The following TAFA2 variants were observed in gnomAD, a reference collection of about 807,000 sequenced individuals.
TAFA2 encodes the protein TAFA chemokine like family member 2.
In TAFA2, 7 loss-of-function variants were observed where a neutral mutation model predicts 18.8. The observed-to-expected ratio is 0.37, with a 90% CI of 0.21 to 0.70. TAFA2 has a LOEUF of 0.70. Among genes scored for constraint, TAFA2 ranks in the 30% least tolerant of loss-of-function variants. TAFA2 has a pLI of 0.53. For synonymous variants in TAFA2, 60 were observed against 54.2 expected (o/e 1.11, Z -0.47); for missense variants, 122 against 158.1 (o/e 0.77, Z 1.23).
intron 2 of TAFA2, among the ~76,000 whole-genome samples, chr12:61,807,100 G>A (rs565963320): frequency 2.7e-5 from 4 of 147,666 alleles, no homozygotes; most frequent in Non-Finnish European, 4.4e-5. Flanking sequence ...TCCAGGGCAT[G>A]TCAGACGTCT....
At chr12:61,984,567 C>A (rs1879752058) in intron 1 of TAFA2, among the ~76,000 whole-genome samples, 1 of 152,108 alleles carries the variant, frequency 6.6e-6, no homozygotes, top group Admixed American at 6.6e-5. Context: ...TTAGAAGCTG[C>A]AAAAGAGGAG....
chr12:61,911,443 C>A (rs1386073707), intron 1 of TAFA2, among the ~76,000 whole-genome samples: 3 of 152,178 alleles, frequency 2.0e-5, no homozygotes, highest in African/African-American at 7.2e-5. Flanking sequence ...GTGTTTAATT[C>A]TTTCCATGTA....
intron 1 of TAFA2, among the ~76,000 whole-genome samples, chr12:62,078,265 T>C (rs1444464633): frequency 6.6e-6 from 1 of 152,192 alleles, no homozygotes; most frequent in East Asian, 1.9e-4. Context: ...GCCTAACGTT[T>C]ACCTCCTTGA....
At chr12:61,947,584 C>T (rs1389889505) in intron 1 of TAFA2, among the ~76,000 whole-genome samples, 6 of 151,802 alleles carry the variant, frequency 4.0e-5, no homozygotes, top group African/African-American at 1.5e-4. Context: ...TTAGCATATA[C>T]ACTCTTCATT....
chr12:61,734,717 A>C (rs1338508144), intron 4 of TAFA2, among the ~76,000 whole-genome samples: 1 of 151,906 alleles, frequency 6.6e-6, no homozygotes, highest in Non-Finnish European at 1.5e-5. Flanking sequence ...TCCCAGTTCC[A>C]CTGCTTACTC....
chr12:62,154,985 G>C (rs189370657), intron 1 of TAFA2, among the ~76,000 whole-genome samples: 21 of 152,194 alleles, frequency 1.4e-4, no homozygotes, highest in Admixed American at 1.4e-3. Context: ...GCATCCAATC[G>C]GTAAAGAGGA....
upstream of TAFA2, among the ~76,000 whole-genome samples, chr12:62,196,306 T>A (rs184891969): frequency 6.6e-6 from 1 of 152,368 alleles, no homozygotes; most frequent in African/African-American, 2.4e-5. Flanking sequence ...TTTGCTTCCT[T>A]ATCATTGTGT....
intron 2 of TAFA2, among the ~76,000 whole-genome samples, chr12:61,835,414 T>C (rs967397704): frequency 6.6e-6 from 1 of 151,994 alleles, no homozygotes; most frequent in Non-Finnish European, 1.5e-5. Context: ...CATTTGCAGG[T>C]TTGCTACATG....
intron 1 of TAFA2, among the ~76,000 whole-genome samples, chr12:61,972,595 G>A (rs1450728755): frequency 1.3e-5 from 2 of 151,638 alleles, no homozygotes; most frequent in East Asian, 3.9e-4. Context: ...GCTAGAAATG[G>A]GGAAAGGACT....
chr12:62,032,436 A>G (rs1881483606), intron 1 of TAFA2, among the ~76,000 whole-genome samples: 1 of 152,202 alleles, frequency 6.6e-6, no homozygotes, highest in African/African-American at 2.4e-5. Context: ...CAAATCAAAT[A>G]TATGTGAAAT....
intron 1 of TAFA2, among the ~76,000 whole-genome samples, chr12:61,924,868 G>T (rs753780129): frequency 2.6e-5 from 4 of 152,106 alleles, no homozygotes; most frequent in Non-Finnish European, 4.4e-5. Flanking sequence ...ACACACATAG[G>T]CTCAAAATAA....
chr12:61,862,379 A>G lies in TAFA2; in HGVS notation c.106+4941T>C, dbSNP rs114976902. ...GCAGTAAACTTATTTGTTTGTATGT[A>G]AGGGACTGTTAGTTCTCAAAGCACA... On this transcript the variant is annotated intron_variant, in intron 2 of 4. Coordinates refer to ENST00000416284, the MANE Select transcript of TAFA2 (RefSeq NM_178539.5). 7.6e-3 allele frequency among the ~76,000 whole-genome samples: 1,152 copies of G among 152,298 alleles called. 14 individuals carry two copies. Among genetic ancestry groups the G allele is most frequent in the African/African-American group, 0.026 (1,074 of 41,578 alleles).
intron 2 of TAFA2, among the ~76,000 whole-genome samples, chr12:61,770,779 G>A (rs1188745721): frequency 6.6e-6 from 1 of 151,956 alleles, no homozygotes; most frequent in Non-Finnish European, 1.5e-5. Context: ...CACCAAAATA[G>A]AATCTCCTTA....
intron 1 of TAFA2, among the ~76,000 whole-genome samples, chr12:61,889,646 T>A (rs1875540471): frequency 1.3e-5 from 2 of 152,200 alleles, no homozygotes; most frequent in African/African-American, 2.4e-5. Context: ...TAGAACAAAA[T>A]TATTATTTTA....
rs1435477797 is a variant in TAFA2 at position 62,246,148 on chromosome 12, A to G, written c.-130+12615T>C. On this transcript the variant is annotated intron_variant, in intron 1 of 5. Coordinates refer to the TAFA2 transcript ENST00000551619. ...ACTACAGGCGCCCGCCACAATGCCC[A>G]GCTAATTTTTTGTATTTTTAGTAGA... Among the ~76,000 whole-genome samples the G allele has an allele frequency of 2.6e-5, 4 of 152,180 alleles. No individual in the cohort carries two copies. In the East Asian group the frequency reaches 5.8e-4, roughly 22 times the overall value.
At chr12:62,101,049 T>G (rs1169841006) in intron 1 of TAFA2, among the ~76,000 whole-genome samples, 1 of 152,122 alleles carries the variant, frequency 6.6e-6, no homozygotes, top group Non-Finnish European at 1.5e-5. Context: ...CAGATATATC[T>G]ATACACAAGC....
intron 1 of TAFA2, among the ~76,000 whole-genome samples, chr12:61,886,789 TG>T (rs551129057): frequency 6.6e-6 from 1 of 152,178 alleles, no homozygotes; most frequent in Non-Finnish European, 1.5e-5. Flanking sequence ...GTTCATGAAT[TG>T]GGGGGCTATT....
At chr12:61,977,850 C>A (rs1264707293) in intron 1 of TAFA2, among the ~76,000 whole-genome samples, 1 of 151,936 alleles carries the variant, frequency 6.6e-6, no homozygotes, top group Non-Finnish European at 1.5e-5. Context: ...CACAGTGGTG[C>A]CCTCATCTTC....
At chr12:61,809,387 T>C (rs781416463) in intron 2 of TAFA2, among the ~76,000 whole-genome samples, 1 of 151,542 alleles carries the variant, frequency 6.6e-6, no homozygotes, top group Non-Finnish European at 1.5e-5. Context: ...AAATAGTGAG[T>C]ATCAATAAAT....
Sources: gnomAD v4.1 joint callset for allele counts (sites outside exome capture counted in the v4.1 genomes callset) on GRCh38, gnomAD v4.1.1 for gene constraint, MANE v1.5 for transcripts, NCBI Gene and HGNC (gene_info 2026-07-23, HGNC 2026-07-21) for gene names.